Variants in SLC24A2 observed in about 807,000 individuals in gnomAD.
SLC24A2 encodes sodium/potassium/calcium exchanger 2.
In SLC24A2, 36 loss-of-function variants were observed where a neutral mutation model predicts 62.0. The observed-to-expected ratio is 0.58, with a 90% confidence interval of 0.44 to 0.77. The LOEUF (loss-of-function observed/expected upper bound fraction) is 0.77. Ranked by LOEUF, SLC24A2 falls within the 30% of genes least tolerant of loss-of-function variation. SLC24A2 has a pLI of 0.00. For synonymous variants in SLC24A2, 358 were observed against 294.0 expected (o/e 1.22, Z -2.23); for missense variants, 846 against 817.9 (o/e 1.03, Z -0.42).
chr9:19,896,940 A>C, the SLC24A2 span, among the ~76,000 whole-genome samples: 1 of 152,236 alleles, frequency 6.6e-6, no homozygotes, highest in Admixed American at 6.5e-5. Flanking sequence ...AGAGTTGGGA[A>C]AAATCTAATT....
At chr9:19,952,430 A>T in the SLC24A2 span, among the ~76,000 whole-genome samples, 2 of 151,994 alleles carry the variant, frequency 1.3e-5, no homozygotes, top group Non-Finnish European at 2.9e-5. Flanking sequence ...TCTTAGCTGT[A>T]GTTTTTTGTC....
chr9:19,545,572 C>T (rs769480753), intron 8 of SLC24A2, among the ~76,000 whole-genome samples: 25 of 152,082 alleles, frequency 1.6e-4, no homozygotes, highest in South Asian at 1.5e-3. Flanking sequence ...TATCTACCGT[C>T]GGTCTTTGTA....
At chr9:19,614,627 C>T (rs886741650) in intron 4 of SLC24A2, among the ~76,000 whole-genome samples, 1 of 152,142 alleles carries the variant, frequency 6.6e-6, no homozygotes, top group Non-Finnish European at 1.5e-5. Flanking sequence ...GAATGCAGTA[C>T]AACTGACATC....
At chr9:20,018,413 A>T in the SLC24A2 span, among the ~76,000 whole-genome samples, 1 of 152,142 alleles carries the variant, frequency 6.6e-6, no homozygotes, top group Non-Finnish European at 1.5e-5. Flanking sequence ...CCACGAGGAT[A>T]ATCTATACAC....
the SLC24A2 span, among the ~76,000 whole-genome samples, chr9:19,813,463 G>A: frequency 7.3e-5 from 11 of 151,578 alleles, no homozygotes; most frequent in African/African-American, 2.2e-4. Flanking sequence ...GACTACAGGC[G>A]CACACCACCA....
At chr9:20,180,530 C>T in the SLC24A2 span, among the ~76,000 whole-genome samples, 1 of 151,984 alleles carries the variant, frequency 6.6e-6, no homozygotes, top group Non-Finnish European at 1.5e-5. Context: ...TTTGTCTTTC[C>T]TACTACTTTT....
At chr9:19,707,828 C>T (rs1820580291) in intron 2 of SLC24A2, among the ~76,000 whole-genome samples, 1 of 152,052 alleles carries the variant, frequency 6.6e-6, no homozygotes, top group Admixed American at 6.5e-5. Context: ...GGAAGCATTC[C>T]CTTTGAAAGC....
the SLC24A2 span, among the ~76,000 whole-genome samples, chr9:20,242,436 G>T: frequency 6.6e-6 from 1 of 152,226 alleles, no homozygotes; most frequent in Non-Finnish European, 1.5e-5. Context: ...GAAATCCAGA[G>T]CTTTGGCTCC....
intron 1 of SLC24A2, 39 bp downstream of exon 1, chr9:19,788,846 G>T (rs1404977830): frequency 1.0e-6 from 1 of 985,358 alleles, no homozygotes; most frequent in African/African-American, 1.7e-5. Flanking sequence ...CCGCCACAGC[G>T]GCTACAGCGG....
Position 19,732,355 on chromosome 9 carries a change from G to A in SLC24A2, c.930+53582C>T, listed in dbSNP as rs557063969. On this transcript the variant is annotated intron_variant, in intron 2 of 10. Coordinates refer to ENST00000341998, the MANE Select transcript of SLC24A2 (RefSeq NM_020344.4). ...CTGACTTGTAGCTTGGAATGTCATA[G>A]TGGCCTGAGACCACCTCTTGAAAAA... is the stretch of plus-strand genomic sequence containing the variant. 3.9e-5 allele frequency among the ~76,000 whole-genome samples: 6 copies of A among 152,124 alleles called. No homozygotes were observed. The East Asian group carries it at 1.2e-3, about 29-fold the overall frequency.
the SLC24A2 span, among the ~76,000 whole-genome samples, chr9:19,905,822 A>G: frequency 6.6e-6 from 1 of 152,238 alleles, no homozygotes; most frequent in Non-Finnish European, 1.5e-5. Flanking sequence ...AGGAAAGAAC[A>G]TAATTTGTAT....
chr9:19,806,574 T>C, the SLC24A2 span, among the ~76,000 whole-genome samples: 4 of 152,178 alleles, frequency 2.6e-5, no homozygotes, highest in Non-Finnish European at 5.9e-5. Context: ...CATTCCACAG[T>C]GAAGATATAA....
intron 2 of SLC24A2, among the ~76,000 whole-genome samples, chr9:19,636,884 T>C (rs1207851141): frequency 6.6e-6 from 1 of 152,148 alleles, no homozygotes; most frequent in Non-Finnish European, 1.5e-5. Flanking sequence ...GTCTTAAAAG[T>C]GTCCATGACC....
intron 2 of SLC24A2, among the ~76,000 whole-genome samples, chr9:19,767,875 AAAG>A (rs1822567415): frequency 6.6e-6 from 1 of 152,190 alleles, no homozygotes; most frequent in African/African-American, 2.4e-5. Flanking sequence ...TTATAAAGGG[AAAG>A]AAGGAGGCTG....
At chr9:20,154,960 G>A in the SLC24A2 span, among the ~76,000 whole-genome samples, 4 of 151,436 alleles carry the variant, frequency 2.6e-5, no homozygotes, top group South Asian at 4.2e-4. Context: ...CAAGCATCTC[G>A]CTATCAGGGA....
chr9:20,207,913 T>A, the SLC24A2 span, among the ~76,000 whole-genome samples: 1 of 152,224 alleles, frequency 6.6e-6, no homozygotes, highest in African/African-American at 2.4e-5. Flanking sequence ...ATTTTTTACT[T>A]TAATAATTAA....
chr9:19,726,900 A>G (rs1467221028), intron 2 of SLC24A2, among the ~76,000 whole-genome samples: 1 of 152,086 alleles, frequency 6.6e-6, no homozygotes, highest in African/African-American at 2.4e-5. Context: ...TCCTGGGTAC[A>G]TTTTGTTTTT....
chr9:19,999,329 C>T, the SLC24A2 span, among the ~76,000 whole-genome samples: 1 of 152,092 alleles, frequency 6.6e-6, no homozygotes, highest in East Asian at 1.9e-4. Context: ...AATTGGGTGT[C>T]CTTGGGCCTG....
chr9:20,178,925 T>C, the SLC24A2 span, among the ~76,000 whole-genome samples: 1 of 152,168 alleles, frequency 6.6e-6, no homozygotes. Flanking sequence ...CTGAGCACCA[T>C]ACTACTATGA....
Sources: gnomAD v4.1 joint callset for allele counts (sites outside exome capture counted in the v4.1 genomes callset) on GRCh38, gnomAD v4.1.1 for gene constraint, MANE v1.5 for transcripts, NCBI Gene and HGNC (gene_info 2026-07-23, HGNC 2026-07-21) for gene names.